Variants in LMO7 observed in about 807,000 individuals in gnomAD.
LMO7 encodes LIM domain only protein 7.
In LMO7, 120 loss-of-function variants were observed where a neutral mutation model predicts 206.5. That is an observed-to-expected ratio of 0.58 (90% CI 0.50 to 0.68). LMO7 has a LOEUF of 0.68. LMO7 is among the 30% of genes least tolerant of loss of function. The pLI is 0.00. For missense variants in LMO7, 1,959 were observed against 1,957.9 expected, an observed-to-expected ratio of 1.00 and a Z score of -0.01; for synonymous variants, 706 against 681.5, an observed-to-expected ratio of 1.04 and a Z score of -0.56.
At chr13:75,736,663 G>A (rs1303297252) in intron 3 of LMO7, among the ~76,000 whole-genome samples, 1 of 152,180 alleles carries the variant, frequency 6.6e-6, no homozygotes, top group Non-Finnish European at 1.5e-5. Flanking sequence ...AAGCAAGAAA[G>A]CATCACGTAA....
At position 75,760,635 on chromosome 13, in the gene LMO7, G is replaced by A. The variant is rs573823566; in HGVS notation, c.211-297G>A. Reference sequence around the variant, plus strand: ...AGCTGACATCAAAGTGTAGATTACTGCTCAGTGGCTAGGCACTTGTCCTGT... The same window carrying A: ...AGCTGACATCAAAGTGTAGATTACTACTCAGTGGCTAGGCACTTGTCCTGT... On this transcript the variant is annotated intron_variant, in intron 3 of 30. Transcript: ENST00000377534. 45 of 1,466,968 alleles carry A rather than the reference G, an allele frequency of 3.1e-5. No homozygotes were observed. In the African/African-American group the frequency reaches 4.4e-4, roughly 14 times the overall value. 90.9% of individuals were successfully genotyped at this position (1,466,968 alleles called of 1,614,324 possible).
intron 3 of LMO7, among the ~76,000 whole-genome samples, chr13:75,757,427 A>C (rs1363468844): frequency 6.6e-6 from 1 of 152,232 alleles, no homozygotes; most frequent in Non-Finnish European, 1.5e-5. Flanking sequence ...ATTATGCACC[A>C]ATAGATAACT....
intron 26 of LMO7, among the ~76,000 whole-genome samples, chr13:75,847,017 C>A (rs557719541): frequency 3.8e-5 from 5 of 130,412 alleles, no homozygotes; most frequent in South Asian, 2.5e-4. Flanking sequence ...GGTGACGGAG[C>A]AGACTCTGTC....
chr13:75,655,233 T>A (rs2037941085), intron 1 of LMO7, among the ~76,000 whole-genome samples: 1 of 152,230 alleles, frequency 6.6e-6, no homozygotes, highest in Non-Finnish European at 1.5e-5. Flanking sequence ...GGTGAGTAGT[T>A]TCTTATCTAG....
intron 1 of LMO7, among the ~76,000 whole-genome samples, chr13:75,670,079 G>C (rs2039424631): frequency 6.6e-6 from 1 of 152,176 alleles, no homozygotes; most frequent in African/African-American, 2.4e-5. Flanking sequence ...CTTTGTGCAG[G>C]AGTTGCAGGG....
intron 3 of LMO7, among the ~76,000 whole-genome samples, chr13:75,756,706 AGGTAACTT>A (rs1386265633): frequency 3.9e-5 from 6 of 152,298 alleles, no homozygotes; most frequent in Middle Eastern, 3.4e-3. Flanking sequence ...GTGTGGGAGC[AGGTAACTT>A]GTCTTAGTTC....
rs74509956 is a variant in LMO7 at position 75,697,004 on chromosome 13, A to G, written c.70-16178A>G. Among the ~76,000 whole-genome samples the G allele has an allele frequency of 6.6e-3, 1,005 of 152,138 alleles. 19 individuals carry two copies. Among genetic ancestry groups the G allele is most frequent in the East Asian group, 0.056 (290 of 5,172 alleles). On this transcript the variant is annotated intron_variant, in intron 1 of 30. Transcript: ENST00000377534. ...TTTTGATCTTTCCCAACGTCGACAT[A>G]CCTTATGGGCCAAACAACACATGTG...
chr13:75,752,192 C>T (rs188348777), intron 3 of LMO7, among the ~76,000 whole-genome samples: 164 of 152,084 alleles, frequency 1.1e-3, no homozygotes, highest in African/African-American at 3.7e-3. Flanking sequence ...AGTGCAATGG[C>T]GTGATCTTGG....
At chr13:75,833,528 T>G (rs1348899689) in intron 16 of LMO7, among the ~76,000 whole-genome samples, 2 of 152,136 alleles carry the variant, frequency 1.3e-5, no homozygotes, top group African/African-American at 4.8e-5. Flanking sequence ...TGCTATTTAA[T>G]AAGTTGATTT....
intron 1 of LMO7, among the ~76,000 whole-genome samples, chr13:75,701,763 A>T (rs146909672): frequency 6.6e-6 from 1 of 152,312 alleles, no homozygotes; most frequent in African/African-American, 2.4e-5. Context: ...CAATGTCCTC[A>T]TTAGAAGTGA....
chr13:75,761,113 G>A (rs2048167029), intron 4 of LMO7, 75 bp downstream of exon 4: 1 of 934,406 alleles, frequency 1.1e-6, no homozygotes, highest in African/African-American at 1.7e-5. Context: ...GAAAAGAATT[G>A]CTGAGAGTTC....
chr13:75,758,282 A>C (rs1163003421), intron 3 of LMO7, among the ~76,000 whole-genome samples: 2 of 152,064 alleles, frequency 1.3e-5, no homozygotes. Context: ...TGGCTTCTTG[A>C]AGTTTTAACT....
intron 3 of LMO7, 171 bp from the exon 4 acceptor site, chr13:75,760,761 T>A: frequency 6.5e-7 from 1 of 1,537,290 alleles, no homozygotes; most frequent in Non-Finnish European, 8.7e-7. Flanking sequence ...ACTGAAAGGC[T>A]GTACAAGCCC....
At chr13:75,833,270 C>T (rs772035317) in intron 16 of LMO7, 105 bp downstream of exon 16, 16 of 701,064 alleles carry the variant, frequency 2.3e-5, no homozygotes, top group East Asian at 5.4e-5. Context: ...GAGGAGAAAA[C>T]GTGAAAAATG....
intron 4 of LMO7, among the ~76,000 whole-genome samples, chr13:75,774,034 T>A (rs914012829): frequency 6.6e-6 from 1 of 152,146 alleles, no homozygotes; most frequent in Non-Finnish European, 1.5e-5. Context: ...TTTTCTTCTC[T>A]AGGAGACACT....
At chr13:75,704,654 C>T (rs1312489279) in intron 1 of LMO7, among the ~76,000 whole-genome samples, 2 of 152,164 alleles carry the variant, frequency 1.3e-5, no homozygotes, top group East Asian at 1.9e-4. Flanking sequence ...CCTGCTGACT[C>T]GCATTAGTGG....
intron 3 of LMO7, among the ~76,000 whole-genome samples, chr13:75,738,129 G>A (rs1294686088): frequency 6.6e-6 from 1 of 152,134 alleles, no homozygotes; most frequent in African/African-American, 2.4e-5. Flanking sequence ...TGTGAAGGAG[G>A]TTTGTGTAAG....
chr13:75,762,770 A>G (rs1054038785), intron 4 of LMO7, among the ~76,000 whole-genome samples: 1 of 152,136 alleles, frequency 6.6e-6, no homozygotes, highest in Non-Finnish European at 1.5e-5. Context: ...TACCTGTGAG[A>G]ATGCCTGAGT....
At chr13:75,715,597 A>C (rs904981322) in intron 2 of LMO7, among the ~76,000 whole-genome samples, 1 of 152,258 alleles carries the variant, frequency 6.6e-6, no homozygotes, top group African/African-American at 2.4e-5. Flanking sequence ...ACTGTGGGAC[A>C]CCAAAGTCCT....
Sources: gnomAD v4.1 joint callset for allele counts (sites outside exome capture counted in the v4.1 genomes callset) on GRCh38, gnomAD v4.1.1 for gene constraint, MANE v1.5 for transcripts, NCBI Gene and HGNC (gene_info 2026-07-23, HGNC 2026-07-21) for gene names.